Variants in TANGO6 observed in about 807,000 individuals in gnomAD.
TANGO6 encodes the protein transport and golgi organization 6 homolog, also known as transport and Golgi organization protein 6 homolog.
In TANGO6, 90 loss-of-function variants were observed where a neutral mutation model predicts 114.2. The observed-to-expected ratio is 0.79, with a 90% CI of 0.66 to 0.94. TANGO6 has a LOEUF of 0.94. TANGO6 is among the 40% of genes least tolerant of loss of function. The probability of loss-of-function intolerance (pLI) is 0.00; values close to 1 mark genes in which losing one functional copy is unlikely to be tolerated. For synonymous variants in TANGO6, 477 were observed against 509.8 expected, an observed-to-expected ratio of 0.94 and a Z score of 0.87; for missense variants, 1,274 against 1,315.3, an observed-to-expected ratio of 0.97 and a Z score of 0.49.
intron 16 of TANGO6, among the ~76,000 whole-genome samples, chr16:69,038,978 T>C (rs1959732879): frequency 6.6e-6 from 1 of 151,874 alleles, no homozygotes; most frequent in Admixed American, 6.6e-5. Context: ...TGTCAGGAGA[T>C]TGAGACCATC....
At chr16:69,009,430 A>G (rs1181798767) in intron 15 of TANGO6, among the ~76,000 whole-genome samples, 1 of 152,100 alleles carries the variant, frequency 6.6e-6, no homozygotes, top group African/African-American at 2.4e-5. Context: ...TTTACCTATT[A>G]TTAGGCCGGT....
intron 17 of TANGO6, among the ~76,000 whole-genome samples, chr16:69,060,808 A>G (rs1365256610): frequency 2.6e-5 from 4 of 151,828 alleles, no homozygotes; most frequent in Non-Finnish European, 5.9e-5. Context: ...CCTGGCCAAC[A>G]TGGTGAAACC....
intron 15 of TANGO6, among the ~76,000 whole-genome samples, chr16:69,012,598 A>AGAAATACCT (rs1202704588): frequency 5.3e-5 from 8 of 151,432 alleles, no homozygotes; most frequent in African/African-American, 1.9e-4. Flanking sequence ...AAAAAAAGAA[A>AGAAATACCT]GAAATACCTG....
intron 17 of TANGO6, among the ~76,000 whole-genome samples, chr16:69,074,591 C>T (rs894050848): frequency 2.0e-5 from 3 of 152,064 alleles, no homozygotes; most frequent in Non-Finnish European, 4.4e-5. Context: ...ATCTTTAAAG[C>T]AAAATTAGGA....
At chr16:69,080,037 A>G (rs750856406) in intron 17 of TANGO6, among the ~76,000 whole-genome samples, 1 of 152,214 alleles carries the variant, frequency 6.6e-6, no homozygotes, top group Non-Finnish European at 1.5e-5. Context: ...CCTGCGCAAT[A>G]TAGCAGGACC....
intron 14 of TANGO6, among the ~76,000 whole-genome samples, chr16:68,964,733 A>AT (rs952396921): frequency 3.3e-4 from 48 of 145,550 alleles, no homozygotes; most frequent in Admixed American, 1.0e-3. Context: ...TGCACAGCTA[A>AT]TTTTTTTTTT....
chr16:68,924,709 G>C (rs1476738706), intron 12 of TANGO6, among the ~76,000 whole-genome samples: 1 of 151,688 alleles, frequency 6.6e-6, no homozygotes, highest in Non-Finnish European at 1.5e-5. Context: ...AGGATCGCTT[G>C]AACGTGGGAG....
chr16:69,055,603 A>G (rs1362659661), intron 17 of TANGO6, among the ~76,000 whole-genome samples: 1 of 152,242 alleles, frequency 6.6e-6, no homozygotes, highest in African/African-American at 2.4e-5. Flanking sequence ...AATCAGGTTC[A>G]GCCTCCACCA....
At chr16:69,017,130 A>C (rs1239989448) in intron 15 of TANGO6, among the ~76,000 whole-genome samples, 1 of 152,190 alleles carries the variant, frequency 6.6e-6, no homozygotes, top group Non-Finnish European at 1.5e-5. Context: ...ATAAGATAAT[A>C]CTGGAGCTGT....
chr16:68,928,841 T>C (rs2152196772), intron 13 of TANGO6, among the ~76,000 whole-genome samples: 1 of 152,308 alleles, frequency 6.6e-6, no homozygotes, highest in East Asian at 1.9e-4. Context: ...TGGGCATCTT[T>C]AGTGGGGCGT....
At chr16:69,069,857 C>T (rs138078892) in intron 17 of TANGO6, among the ~76,000 whole-genome samples, 192 of 152,036 alleles carry the variant, frequency 1.3e-3, no homozygotes, top group African/African-American at 4.3e-3. Flanking sequence ...GGATCTCGCG[C>T]AAGAAAGAAT....
intron 17 of TANGO6, among the ~76,000 whole-genome samples, chr16:69,057,658 G>A (rs933372981): frequency 1.3e-5 from 2 of 152,124 alleles, no homozygotes; most frequent in African/African-American, 4.8e-5. Flanking sequence ...CCAACAGAAG[G>A]CTGCTTCCAA....
chr16:69,015,771 C>T (rs1221078492), intron 15 of TANGO6, among the ~76,000 whole-genome samples: 1 of 152,062 alleles, frequency 6.6e-6, no homozygotes, highest in African/African-American at 2.4e-5. Flanking sequence ...TGAGCCACCG[C>T]ACCTGGCCAA....
chr16:69,062,787 T>TA (rs35731381), intron 17 of TANGO6, among the ~76,000 whole-genome samples: 53,824 of 113,460 alleles, frequency 0.47, 12,961 homozygotes, highest in Admixed American at 0.56. Flanking sequence ...AAAAGAAATT[T>TA]AAAAAAAAAA....
chr16:68,846,892 C>T (rs1000562013), intron 1 of TANGO6: 5 of 148,418 alleles, frequency 3.4e-5, no homozygotes, highest in African/African-American at 1.2e-4. Context: ...AGAGGTAATA[C>T]CTTTTTTTTT....
intron 17 of TANGO6, among the ~76,000 whole-genome samples, chr16:69,052,450 G>T (rs1236112447): frequency 1.3e-5 from 2 of 151,674 alleles, no homozygotes; most frequent in African/African-American, 4.8e-5. Flanking sequence ...TGTATTTTTT[G>T]TGGAGACTGA....
At chr16:69,078,604 T>C (rs1036542479) in intron 17 of TANGO6, among the ~76,000 whole-genome samples, 7 of 152,236 alleles carry the variant, frequency 4.6e-5, no homozygotes, top group Admixed American at 4.6e-4. Flanking sequence ...TGTCTTTACG[T>C]GACTATCTTC....
intron 11 of TANGO6, among the ~76,000 whole-genome samples, chr16:68,917,466 G>T (rs1218969221): frequency 6.6e-6 from 1 of 152,164 alleles, no homozygotes; most frequent in Non-Finnish European, 1.5e-5. Context: ...GTTTAGTTTT[G>T]TAAGAAACTG....
chr16:69,022,535 T>C (rs773131196), intron 15 of TANGO6, among the ~76,000 whole-genome samples: 1 of 151,792 alleles, frequency 6.6e-6, no homozygotes, highest in Non-Finnish European at 1.5e-5. Flanking sequence ...AAAACCCCAT[T>C]TCCACAAAAA....
Sources: gnomAD v4.1 joint callset for allele counts (sites outside exome capture counted in the v4.1 genomes callset) on GRCh38, gnomAD v4.1.1 for gene constraint, MANE v1.5 for transcripts, NCBI Gene and HGNC (gene_info 2026-07-23, HGNC 2026-07-21) for gene names.